ALX1: variants seen among roughly 807,000 people sequenced by gnomAD.
The protein encoded by ALX1 is ALX homeobox 1, also known as ALX homeobox protein 1.
Under a neutral mutation model 31.7 loss-of-function variants are expected in ALX1, and 19 were observed. The observed-to-expected ratio is 0.60, with a 90% CI of 0.42 to 0.88. ALX1 has a LOEUF of 0.88. Ranked by LOEUF, ALX1 falls within the 40% of genes least tolerant of loss-of-function variation. The pLI, the probability that ALX1 is intolerant of heterozygous loss-of-function variation, is 0.00. For synonymous variants in ALX1, 153 were observed against 148.8 expected (o/e 1.03, Z -0.20); for missense variants, 415 against 407.8 (o/e 1.02, Z -0.15).
chr12:85,280,701 C>A (rs375167252), intron 1 of ALX1, among the ~76,000 whole-genome samples: 2 of 152,202 alleles, frequency 1.3e-5, no homozygotes, highest in South Asian at 4.1e-4. Context: ...AGAGATCCAG[C>A]ACCGGGTTGC....
chr12:85,284,221 G>GT (rs63339261), intron 2 of ALX1, among the ~76,000 whole-genome samples: 3,247 of 136,272 alleles, frequency 0.024, 94 homozygotes, highest in Admixed American at 0.083. Context: ...ATATTTATTT[G>GT]TTTTTTTTTT....
rs111983902 is a variant in ALX1, at chr12:85,290,283, C to G, written c.660+3302C>G. ...CTAATAATTGGGGGCATATTTAAAG[C>G]CAGACACTGTGCTTCCTTCTTGTAT... On this transcript the variant is annotated intron_variant, in intron 3 of 3. Transcript: ENST00000316824. Among the ~76,000 whole-genome samples the G allele has an allele frequency of 4.6e-5, 7 of 151,126 alleles. 1 individual carries two copies. Among genetic ancestry groups the G allele is most frequent in the African/African-American group, 1.7e-4 (7 of 41,406 alleles).
At chr12:85,286,566 C>G (rs1371161249) in intron 2 of ALX1, among the ~76,000 whole-genome samples, 1 of 151,784 alleles carries the variant, frequency 6.6e-6, no homozygotes, top group Non-Finnish European at 1.5e-5. Flanking sequence ...AATCTAATTG[C>G]TTTTTGTTTT....
chr12:85,282,303 TAA>T (rs1275332867), intron 1 of ALX1, among the ~76,000 whole-genome samples: 1 of 152,172 alleles, frequency 6.6e-6, no homozygotes, highest in Non-Finnish European at 1.5e-5. Context: ...AAAGTAATGT[TAA>T]GTTTTTTTAA....
At chr12:85,290,372 AC>A (rs746525645) in intron 3 of ALX1, among the ~76,000 whole-genome samples, 45 of 151,268 alleles carry the variant, frequency 3.0e-4, no homozygotes, top group Non-Finnish European at 5.2e-4. Context: ...TCTTTATGTA[AC>A]ATTATCTCTT....
intron 3 of ALX1, among the ~76,000 whole-genome samples, chr12:85,298,830 TAAG>T (rs1228879354): frequency 6.6e-6 from 1 of 151,810 alleles, no homozygotes; most frequent in Non-Finnish European, 1.5e-5. Context: ...CATGTCCAGA[TAAG>T]AAGTTTTGAT....
intron 1 of ALX1, among the ~76,000 whole-genome samples, chr12:85,282,230 A>G (rs1896684100): frequency 1.3e-5 from 2 of 151,840 alleles, no homozygotes; most frequent in African/African-American, 4.8e-5. Flanking sequence ...GAAAACCGTT[A>G]ATTTAAAAAA....
intron 3 of ALX1, among the ~76,000 whole-genome samples, chr12:85,298,805 T>C (rs552372178): frequency 6.6e-6 from 1 of 151,952 alleles, no homozygotes; most frequent in African/African-American, 2.4e-5. Context: ...AAGTAATGCA[T>C]ATAACGTGCT....
chr12:85,280,302 C>T lies in ALX1; in HGVS notation c.41C>T (p.Pro14Leu). ...GAGAAGTTTGCCCTCAAGAGCCCTCCGAGTAAAAACAGTGACTTTTACATG... is the reference window on the plus strand; with the variant it reads ...GAGAAGTTTGCCCTCAAGAGCCCTCTGAGTAAAAACAGTGACTTTTACATG... ...LSEKFALKSP[P>L]SKNSDFYMGA... The change falls in exon 1 of 4, where the codon CCG becomes CTG. Residue 14 changes from proline (P) to leucine (L), a missense_variant. This residue lies in a region of ALX1 where 235 missense variants were observed against 208.9 expected (regional missense o/e 1.13). Transcript: ENST00000316824. The T allele has an allele frequency of 6.2e-7, 1 of 1,613,688 alleles. No individual in the cohort carries two copies. The highest frequency in any genetic ancestry group is 8.5e-7 in the Non-Finnish European group (1 of 1,180,018).
chr12:85,288,622 G>A (rs1896779515), intron 3 of ALX1, among the ~76,000 whole-genome samples: 1 of 151,334 alleles, frequency 6.6e-6, no homozygotes, highest in Non-Finnish European at 1.5e-5. Context: ...TGTATATCTG[G>A]GCACTGTTCT....
Position 85,286,325 on chromosome 12 carries a change from A to G in ALX1, c.532-528A>G, listed in dbSNP as rs572773184. ...CTGCTGCTGCCATATATTTAGGTGT[A>G]ATCTTTATGTTTAAAATTTTAAAAG... On this transcript the variant is annotated intron_variant, in intron 2 of 3. Transcript: ENST00000316824. Among the ~76,000 whole-genome samples the G allele has an allele frequency of 1.8e-4, 27 of 152,020 alleles. No homozygotes were observed. The South Asian group carries it at 5.6e-3, about 31-fold the overall frequency.
At chr12:85,299,866 A>T (rs1896940756) in intron 3 of ALX1, among the ~76,000 whole-genome samples, 1 of 151,954 alleles carries the variant, frequency 6.6e-6, no homozygotes, top group Admixed American at 6.6e-5. Context: ...AAACAAATAT[A>T]GGAAGACATA....
At position 85,289,692 on chromosome 12, in the gene ALX1, T is replaced by A. The variant is rs530155866; in HGVS notation, c.660+2711T>A. Among the ~76,000 whole-genome samples the A allele has an allele frequency of 8.6e-5, 13 of 151,320 alleles. No individual in the cohort carries two copies. In the South Asian group the frequency reaches 2.7e-3, roughly 31 times the overall value. On this transcript the variant is annotated intron_variant, in intron 3 of 3. Transcript: ENST00000316824. ...TATTGGTAAATCATTTAATGTTTGG[T>A]TACCAAAATTTCCGAAATTATGTGG... is the stretch of plus-strand genomic sequence containing the variant.
intron 2 of ALX1, among the ~76,000 whole-genome samples, chr12:85,285,338 T>A (rs1404313513): frequency 6.6e-6 from 1 of 151,932 alleles, no homozygotes; most frequent in Non-Finnish European, 1.5e-5. Flanking sequence ...TTTAAGGAAA[T>A]TGTCAAGTTC....
intron 3 of ALX1, among the ~76,000 whole-genome samples, chr12:85,288,209 G>A (rs1045405309): frequency 2.3e-4 from 35 of 151,382 alleles, no homozygotes; most frequent in Admixed American, 1.8e-3. Flanking sequence ...CATACAAGTG[G>A]GTTCCTGCAG....
intron 3 of ALX1, among the ~76,000 whole-genome samples, chr12:85,292,838 A>G (rs1051095831): frequency 6.6e-6 from 1 of 150,938 alleles, no homozygotes; most frequent in Non-Finnish European, 1.5e-5. Context: ...TTTATAATTA[A>G]AAGGCATTTG....
intron 1 of ALX1, 60 bp downstream of exon 1, chr12:85,280,547 A>T: frequency 6.4e-7 from 1 of 1,551,692 alleles, no homozygotes; most frequent in Middle Eastern, 2.3e-4. Flanking sequence ...AAAATGCAGG[A>T]TCGGTCTGAT....
At chr12:85,289,941 A>T (rs1896796965) in intron 3 of ALX1, among the ~76,000 whole-genome samples, 1 of 151,124 alleles carries the variant, frequency 6.6e-6, no homozygotes, top group East Asian at 1.9e-4. Context: ...TCTCAGTCTA[A>T]TAAGACATTG....
In ALX1 at chr12:85,280,347, A is replaced by G. The variant is rs781280416; in HGVS notation, c.86A>G (p.Glu29Gly). 4 of 1,613,818 alleles carry G rather than the reference A, an allele frequency of 2.5e-6. No individual in the cohort carries two copies. The South Asian group carries it at 4.4e-5, about 18-fold the overall frequency. Residue 29 changes from glutamate to glycine, a missense_variant, in exon 1 of 4, where the codon GAG (glutamate) becomes GGG (glycine). Glu to Gly is a moderately conservative substitution (Grantham distance 98). This residue lies in a region of ALX1 where 235 missense variants were observed against 208.9 expected (regional missense o/e 1.13). Coordinates refer to ENST00000316824, the MANE Select transcript of ALX1 (RefSeq NM_006982.3). The part of the protein sequence containing the change: ...DFYMGAGGPL[E>G]HVMETLDNES... ...TACATGGGCGCAGGAGGTCCTCTGGAGCACGTTATGGAGACGCTGGACAAT... is the reference window on the plus strand; with the variant it reads ...TACATGGGCGCAGGAGGTCCTCTGGGGCACGTTATGGAGACGCTGGACAAT...
Sources: allele counts gnomAD v4.1 joint callset (sites outside exome capture counted in the v4.1 genomes callset), GRCh38; gene constraint gnomAD v4.1.1; regional missense constraint gnomAD v4.1.1; transcripts MANE v1.5; gene names NCBI Gene and HGNC (gene_info 2026-07-23, HGNC 2026-07-21).